Variants in CCDC178 observed in about 807,000 individuals in gnomAD.
CCDC178 encodes the protein coiled-coil domain containing 178.
A neutral mutation model predicts 117.4 loss-of-function variants in CCDC178; 126 were observed. That is an observed-to-expected ratio of 1.07 (90% CI 0.93 to 1.24). The LOEUF is 1.24. Among genes scored for constraint, CCDC178 ranks in the 50% most tolerant of loss-of-function variants. The pLI is 0.00. For synonymous variants in CCDC178, 283 were observed against 313.4 expected, an observed-to-expected ratio of 0.90 and a Z score of 1.02; for missense variants, 1,030 against 986.9, an observed-to-expected ratio of 1.04 and a Z score of -0.59.
intron 6 of CCDC178, among the ~76,000 whole-genome samples, chr18:33,362,063 G>A (rs1463967522): frequency 1.3e-5 from 2 of 151,582 alleles, no homozygotes; most frequent in African/African-American, 4.8e-5. Flanking sequence ...AATGTTCATC[G>A]ATGAATAAGT....
At chr18:33,210,183 GAA>G (rs1339707551) in intron 20 of CCDC178, among the ~76,000 whole-genome samples, 5 of 151,968 alleles carry the variant, frequency 3.3e-5, no homozygotes, top group Non-Finnish European at 7.4e-5. Context: ...TTAGGATACA[GAA>G]AAGGATATAA....
At chr18:33,169,949 A>G (rs1382870591) in intron 20 of CCDC178, among the ~76,000 whole-genome samples, 1 of 151,982 alleles carries the variant, frequency 6.6e-6, no homozygotes, top group East Asian at 1.9e-4. Flanking sequence ...AGTTTTCTCA[A>G]TCTCTGCTGC....
chr18:33,040,078 T>C (rs978177724), intron 21 of CCDC178, among the ~76,000 whole-genome samples: 3 of 151,580 alleles, frequency 2.0e-5, no homozygotes, highest in African/African-American at 7.3e-5. Context: ...CAGAGAAAAA[T>C]TGGAAACGTT....
intron 21 of CCDC178, among the ~76,000 whole-genome samples, chr18:33,017,504 G>A (rs1214875481): frequency 6.6e-6 from 1 of 151,896 alleles, no homozygotes; most frequent in Non-Finnish European, 1.5e-5. Flanking sequence ...TTGTTAACAT[G>A]GCAATACTTC....
At chr18:33,074,631 T>C (rs963564123) in intron 21 of CCDC178, among the ~76,000 whole-genome samples, 1 of 151,754 alleles carries the variant, frequency 6.6e-6, no homozygotes, top group South Asian at 2.1e-4. Flanking sequence ...TCCAGTGAGG[T>C]GGGAGGAAAA....
At chr18:33,222,276 T>TTTCC (rs984628063) in intron 18 of CCDC178, among the ~76,000 whole-genome samples, 74 of 148,980 alleles carry the variant, frequency 5.0e-4, no homozygotes, top group African/African-American at 1.4e-3. Flanking sequence ...TCCTTCCTTC[T>TTTCC]TTCCTTCCTT....
intron 2 of CCDC178, among the ~76,000 whole-genome samples, chr18:33,427,571 AT>A (rs1397592168): frequency 6.6e-6 from 1 of 152,152 alleles, no homozygotes; most frequent in Non-Finnish European, 1.5e-5. Flanking sequence ...ACTTTATATT[AT>A]GTCTGTATTA....
At chr18:33,293,062 A>T in intron 12 of CCDC178, 97 bp downstream of exon 12, 2 of 758,606 alleles carry the variant, frequency 2.6e-6, no homozygotes, top group South Asian at 4.3e-5. Flanking sequence ...AATATAAAAA[A>T]ATTGGCCAAT....
intron 9 of CCDC178, 124 bp from the exon 10 acceptor site, chr18:33,333,518 T>G (rs1421632856): frequency 1.8e-6 from 1 of 570,498 alleles, no homozygotes; most frequent in Non-Finnish European, 2.8e-6. Flanking sequence ...TTTTTTTTTT[T>G]TTTTTTTTTT....
At chr18:33,364,057 T>TA (rs2063167120) in intron 6 of CCDC178, among the ~76,000 whole-genome samples, 1 of 152,046 alleles carries the variant, frequency 6.6e-6, no homozygotes, top group South Asian at 2.1e-4. Context: ...CCTCTTGAAA[T>TA]ACGCTCTAAC....
intron 20 of CCDC178, among the ~76,000 whole-genome samples, chr18:33,181,911 C>T (rs1353020033): frequency 1.3e-5 from 2 of 151,778 alleles, no homozygotes; most frequent in African/African-American, 2.4e-5. Flanking sequence ...TAAGTTATAA[C>T]ATTTTTCCTT....
intron 21 of CCDC178, among the ~76,000 whole-genome samples, chr18:33,042,405 G>A (rs1026947269): frequency 1.3e-5 from 2 of 151,800 alleles, no homozygotes; most frequent in South Asian, 4.1e-4. Flanking sequence ...GAAACAATAA[G>A]ATAAATTCAA....
intron 20 of CCDC178, among the ~76,000 whole-genome samples, chr18:33,115,074 T>C (rs2057836413): frequency 6.6e-6 from 1 of 152,078 alleles, no homozygotes; most frequent in African/African-American, 2.4e-5. Context: ...TATACCAGCA[T>C]TTCCCTCTCT....
chr18:33,106,929 C>A (rs2057714195), intron 20 of CCDC178, among the ~76,000 whole-genome samples: 1 of 151,642 alleles, frequency 6.6e-6, no homozygotes, highest in Non-Finnish European at 1.5e-5. Context: ...CTTGTAGAAG[C>A]TGGAAATGGC....
chr18:33,302,299 T>C (rs2062186988), intron 11 of CCDC178, among the ~76,000 whole-genome samples: 1 of 152,172 alleles, frequency 6.6e-6, no homozygotes, highest in Admixed American at 6.5e-5. Flanking sequence ...CTTATTTTCT[T>C]TATAAATTAC....
At chr18:33,198,983 G>T (rs1192771879) in intron 20 of CCDC178, among the ~76,000 whole-genome samples, 2 of 151,874 alleles carry the variant, frequency 1.3e-5, no homozygotes, top group African/African-American at 2.4e-5. Context: ...ATTTAATGTA[G>T]CAGGAACTCA....
intron 22 of CCDC178, chr18:32,954,369 T>C (rs1450889581): frequency 6.6e-6 from 1 of 152,168 alleles, no homozygotes; most frequent in African/African-American, 2.4e-5. Flanking sequence ...GATATGTATG[T>C]ATCATATACA....
intron 20 of CCDC178, among the ~76,000 whole-genome samples, chr18:33,174,614 G>A (rs1308131669): frequency 6.6e-6 from 1 of 152,124 alleles, no homozygotes; most frequent in Admixed American, 6.5e-5. Context: ...GAAACCACCT[G>A]AGGATAAGAC....
chr18:33,407,147 G>A (rs371912850), intron 3 of CCDC178, among the ~76,000 whole-genome samples: 2 of 152,116 alleles, frequency 1.3e-5, no homozygotes, highest in African/African-American at 4.8e-5. Flanking sequence ...AGGACCTGGA[G>A]AGCTGTTCTG....
Sources: gnomAD v4.1 joint callset for allele counts (sites outside exome capture counted in the v4.1 genomes callset) on GRCh38, gnomAD v4.1.1 for gene constraint, MANE v1.5 for transcripts, NCBI Gene and HGNC (gene_info 2026-07-23, HGNC 2026-07-21) for gene names.